NCKAP5: variants seen among roughly 807,000 people sequenced by gnomAD.
NCKAP5 encodes nck-associated protein 5.
In NCKAP5, 92 loss-of-function variants were observed where a neutral mutation model predicts 167.0. That is an observed-to-expected ratio of 0.55 (90% CI 0.47 to 0.66). The LOEUF is 0.66. Ranked by LOEUF, NCKAP5 falls within the 30% of genes least tolerant of loss-of-function variation. The probability of loss-of-function intolerance (pLI) is 0.00; values close to 1 mark genes in which losing one functional copy is unlikely to be tolerated. For missense variants in NCKAP5, 2,378 were observed against 2,315.0 expected, an observed-to-expected ratio of 1.03 and a Z score of -0.56; for synonymous variants, 891 against 877.4, an observed-to-expected ratio of 1.02 and a Z score of -0.27.
intron 3 of NCKAP5, among the ~76,000 whole-genome samples, chr2:133,480,592 A>G (rs1413976952): frequency 6.6e-6 from 1 of 152,182 alleles, no homozygotes; most frequent in Admixed American, 6.5e-5. Context: ...CACAGGCCTA[A>G]TGGTGTCTCT....
At chr2:132,893,337 A>G (rs1261323007) in intron 8 of NCKAP5, among the ~76,000 whole-genome samples, 1 of 152,120 alleles carries the variant, frequency 6.6e-6, no homozygotes, top group Non-Finnish European at 1.5e-5. Flanking sequence ...AAACACATAT[A>G]CCAGGGTGGG....
At chr2:133,161,547 A>C (rs868397405) in intron 5 of NCKAP5, among the ~76,000 whole-genome samples, 6 of 152,280 alleles carry the variant, frequency 3.9e-5, no homozygotes, top group African/African-American at 1.2e-4. Context: ...ATAGCTCTGT[A>C]CTGTTGATGC....
intron 3 of NCKAP5, among the ~76,000 whole-genome samples, chr2:133,515,248 C>A (rs1575089274): frequency 6.6e-6 from 1 of 152,232 alleles, no homozygotes; most frequent in East Asian, 1.9e-4. Flanking sequence ...AGCTGCTATT[C>A]TCCCAGAAGT....
At chr2:133,143,717 AATG>A in intron 5 of NCKAP5, among the ~76,000 whole-genome samples, 1 of 152,284 alleles carries the variant, frequency 6.6e-6, no homozygotes, top group Non-Finnish European at 1.5e-5. Context: ...TAAGAATGAT[AATG>A]ATGAACCCTG....
In NCKAP5 at chr2:133,378,605, A is replaced by C. The variant is rs552239191; in HGVS notation, c.70-75495T>G. Among the ~76,000 whole-genome samples, 6 of 152,354 alleles carry C rather than the reference A, an allele frequency of 3.9e-5. No homozygotes were observed. In the East Asian group the frequency reaches 9.6e-4, roughly 24 times the overall value. ...CCTTCCCAAGTCTAGCTGTTGCAGC[A>C]GTCTGGGAGCATCCCACAGCCAGGG... On this transcript the variant is annotated intron_variant, in intron 3 of 19. Transcript: ENST00000409261.
chr2:132,862,090 T>G (rs1285267119), intron 10 of NCKAP5, among the ~76,000 whole-genome samples: 1 of 152,220 alleles, frequency 6.6e-6, no homozygotes, highest in Non-Finnish European at 1.5e-5. Flanking sequence ...AGCTACCTAT[T>G]GGGCTTAAGG....
chr2:132,723,320 C>A (rs1053180832), intron 19 of NCKAP5, among the ~76,000 whole-genome samples: 11 of 151,854 alleles, frequency 7.2e-5, no homozygotes, highest in Non-Finnish European at 1.3e-4. Context: ...CCTGTCACCA[C>A]GCCAGGCTAA....
intron 8 of NCKAP5, among the ~76,000 whole-genome samples, chr2:132,891,182 T>C (rs1692672076): frequency 6.6e-6 from 1 of 152,196 alleles, no homozygotes; most frequent in Non-Finnish European, 1.5e-5. Flanking sequence ...GGATGGGGCT[T>C]CAGGCCAGTG....
intron 3 of NCKAP5, among the ~76,000 whole-genome samples, chr2:133,378,340 G>A (rs567001961): frequency 1.5e-4 from 23 of 152,068 alleles, no homozygotes; most frequent in Non-Finnish European, 2.5e-4. Flanking sequence ...TGAAAAAAAC[G>A]TATATATGAT....
At chr2:132,736,786 A>C (rs1691565639) in intron 16 of NCKAP5, among the ~76,000 whole-genome samples, 1 of 152,172 alleles carries the variant, frequency 6.6e-6, no homozygotes, top group African/African-American at 2.4e-5. Context: ...TCCGTCTCAA[A>C]ACAAAACAAA....
chr2:133,351,114 C>A (rs1334498204), intron 3 of NCKAP5, among the ~76,000 whole-genome samples: 1 of 152,076 alleles, frequency 6.6e-6, no homozygotes, highest in African/African-American at 2.4e-5. Context: ...ATCCCCGGAG[C>A]CAGCATGAAG....
intron 6 of NCKAP5, among the ~76,000 whole-genome samples, chr2:133,051,641 T>C (rs896334911): frequency 2.0e-5 from 3 of 152,310 alleles, no homozygotes; most frequent in African/African-American, 7.2e-5. Flanking sequence ...ATATGTGGAT[T>C]AAAGCCCATG....
At position 132,753,252 on chromosome 2, in the gene NCKAP5, T is replaced by C. The variant is rs926544184; in HGVS notation, c.5128+20564A>G. ...CTAATTCAAACACAATTTTTATACC[T>C]CCTTCGAATAAACACATGATGAAAG... On this transcript the variant is annotated intron_variant, in intron 16 of 19. Transcript: ENST00000409261. 7.2e-5 allele frequency among the ~76,000 whole-genome samples: 11 copies of C among 152,160 alleles called. No homozygotes were observed. In the East Asian group the frequency reaches 2.1e-3, roughly 29 times the overall value.
chr2:133,143,407 T>C (rs16857210), intron 5 of NCKAP5, among the ~76,000 whole-genome samples: 4,611 of 152,240 alleles, frequency 0.03, 212 homozygotes, highest in African/African-American at 0.1. Context: ...GTACTGAACA[T>C]GATGTATTGA....
intron 11 of NCKAP5, among the ~76,000 whole-genome samples, chr2:132,848,405 T>A (rs1688826086): frequency 6.6e-6 from 1 of 152,234 alleles, no homozygotes; most frequent in African/African-American, 2.4e-5. Flanking sequence ...TGCACTCATA[T>A]CATTATGAGA....
At chr2:132,960,011 T>C (rs1573554548) in intron 8 of NCKAP5, among the ~76,000 whole-genome samples, 1 of 152,132 alleles carries the variant, frequency 6.6e-6, no homozygotes, top group East Asian at 1.9e-4. Context: ...TAAACACAAA[T>C]TACAATTGAA....
At chr2:133,536,511 C>G (rs952114065) in intron 2 of NCKAP5, among the ~76,000 whole-genome samples, 1 of 151,906 alleles carries the variant, frequency 6.6e-6, no homozygotes, top group Non-Finnish European at 1.5e-5. Flanking sequence ...TGTTTTTGTA[C>G]CAGTACCATG....
chr2:132,943,367 AAAG>A (rs1574716238), intron 8 of NCKAP5, among the ~76,000 whole-genome samples: 1 of 152,238 alleles, frequency 6.6e-6, no homozygotes, highest in Non-Finnish European at 1.5e-5. Context: ...TACCTTGTCA[AAAG>A]AAGAATATAC....
Position 133,089,512 on chromosome 2 carries a change from G to A in NCKAP5, c.341+40466C>T, listed in dbSNP as rs561549405. ...TCTTGTTAACTTGGATGGTTCAAAT[G>A]ATGCCCCTGTTGAGGGCATAGTCTA... On this transcript the variant is annotated intron_variant, in intron 6 of 19. Transcript: ENST00000409261. Among the ~76,000 whole-genome samples the A allele has an allele frequency of 3.9e-5, 6 of 152,334 alleles. No individual in the cohort carries two copies. In the South Asian group the frequency reaches 1.2e-3, roughly 32 times the overall value.
Sources: allele counts gnomAD v4.1 joint callset (sites outside exome capture counted in the v4.1 genomes callset), GRCh38; gene constraint gnomAD v4.1.1; transcripts MANE v1.5; gene names NCBI Gene and HGNC (gene_info 2026-07-23, HGNC 2026-07-21).